NBAS: variants seen among roughly 807,000 people sequenced by gnomAD.
The protein encoded by NBAS is NAG/BC035112 fusion.
NBAS carries 219 observed loss-of-function variants against 302.5 expected under a neutral mutation model. That is an observed-to-expected ratio of 0.72 (90% CI 0.65 to 0.81). The LOEUF (loss-of-function observed/expected upper bound fraction) is 0.81, where lower values mean the gene tolerates loss of function less well. NBAS is among the 30% of genes least tolerant of loss of function. The probability of loss-of-function intolerance (pLI) is 0.00; values close to 1 mark genes in which losing one functional copy is unlikely to be tolerated. For missense variants in NBAS, 2,932 were observed against 2,841.6 expected, an observed-to-expected ratio of 1.03 and a Z score of -0.72; for synonymous variants, 1,118 against 1,021.6, an observed-to-expected ratio of 1.09 and a Z score of -1.80.
the NBAS span, among the ~76,000 whole-genome samples, chr2:14,892,662 A>C: frequency 2.7e-5 from 4 of 150,352 alleles, no homozygotes; most frequent in Admixed American, 2.6e-4. Flanking sequence ...TGATTAAATC[A>C]ATATGCTCTT....
chr2:15,116,496 C>T, the NBAS span, among the ~76,000 whole-genome samples: 3 of 149,852 alleles, frequency 2.0e-5, no homozygotes, highest in East Asian at 4.0e-4. Context: ...GATTAGGGAT[C>T]CCCCTTATGA....
the NBAS span, among the ~76,000 whole-genome samples, chr2:14,880,660 A>C: frequency 6.6e-6 from 1 of 152,042 alleles, no homozygotes; most frequent in African/African-American, 2.4e-5. Flanking sequence ...GAAAAAGACC[A>C]AAAGAAATCT....
chr2:15,238,344 C>T (rs892555087), intron 45 of NBAS, 124 bp downstream of exon 45: 15 of 913,312 alleles, frequency 1.6e-5, no homozygotes, highest in Admixed American at 2.3e-5. Context: ...TAAAGGCTTG[C>T]GGACAATTTT....
intron 22 of NBAS, among the ~76,000 whole-genome samples, chr2:15,424,774 T>A (rs2148478930): frequency 6.6e-6 from 1 of 152,276 alleles, no homozygotes; most frequent in Middle Eastern, 3.4e-3. Context: ...CGAGGGAAGC[T>A]TTTACAAAAT....
chr2:14,954,552 A>G, the NBAS span, among the ~76,000 whole-genome samples: 23 of 152,274 alleles, frequency 1.5e-4, no homozygotes, highest in Non-Finnish European at 2.4e-4. Flanking sequence ...ATGCTGCTAT[A>G]AGGACATACC....
At position 15,533,495 on chromosome 2, in the gene NBAS, G is replaced by A. The variant is rs187864521; in HGVS notation, c.746+1048C>T. 7.2e-5 allele frequency among the ~76,000 whole-genome samples: 11 copies of A among 152,304 alleles called. 1 individual carries two copies. The South Asian group carries it at 1.4e-3, about 20-fold the overall frequency. ...CACCAAAAAGGAAGTCACGAAGTGA[G>A]ACTTGTATGTCTTCTGTGTGATTCC... On this transcript the variant is annotated intron_variant, in intron 9 of 51. Coordinates refer to ENST00000281513, the MANE Select transcript of NBAS (RefSeq NM_015909.4).
the NBAS span, among the ~76,000 whole-genome samples, chr2:14,815,310 G>A: frequency 6.6e-6 from 1 of 152,198 alleles, no homozygotes; most frequent in Non-Finnish European, 1.5e-5. Context: ...TGGCCCAAAT[G>A]TGATTCAAAC....
At chr2:15,488,356 T>G (rs1680719872) in intron 12 of NBAS, among the ~76,000 whole-genome samples, 1 of 152,182 alleles carries the variant, frequency 6.6e-6, no homozygotes, top group African/African-American at 2.4e-5. Context: ...TGTCACTAAC[T>G]AGTGCTACTC....
chr2:15,293,327 A>T (rs1161902380), intron 40 of NBAS, among the ~76,000 whole-genome samples: 4 of 152,146 alleles, frequency 2.6e-5, no homozygotes, highest in Non-Finnish European at 5.9e-5. Flanking sequence ...CAAGTTGCAT[A>T]AAAAAAGGCA....
intron 44 of NBAS, among the ~76,000 whole-genome samples, chr2:15,266,406 C>T (rs1415434627): frequency 6.6e-6 from 1 of 152,088 alleles, no homozygotes; most frequent in African/African-American, 2.4e-5. Flanking sequence ...TCTTGTCTGT[C>T]TGCTTTCCCA....
At chr2:14,983,033 A>C in the NBAS span, among the ~76,000 whole-genome samples, 874 of 152,326 alleles carry the variant, frequency 5.7e-3, 6 homozygotes, top group Middle Eastern at 0.01. Flanking sequence ...AGGGACATAG[A>C]ATCTTTAGGC....
At chr2:15,488,820 T>C in intron 12 of NBAS, 74 bp downstream of exon 12, 8 of 1,575,194 alleles carry the variant, frequency 5.1e-6, no homozygotes, top group Non-Finnish European at 4.4e-6. Context: ...TATAGTAAAA[T>C]ATCAATAAAA....
intron 40 of NBAS, among the ~76,000 whole-genome samples, chr2:15,297,075 C>T (rs1484771124): frequency 4.6e-5 from 7 of 152,194 alleles, no homozygotes; most frequent in Non-Finnish European, 7.3e-5. Flanking sequence ...GGATGGAACA[C>T]GCCTACTGCT....
chr2:15,107,029 C>T, the NBAS span, among the ~76,000 whole-genome samples: 1 of 152,080 alleles, frequency 6.6e-6, no homozygotes, highest in African/African-American at 2.4e-5. Context: ...CAAACTACCA[C>T]TTGCAAGCAG....
At chr2:15,261,446 A>G (rs1217748262) in intron 44 of NBAS, among the ~76,000 whole-genome samples, 1 of 152,240 alleles carries the variant, frequency 6.6e-6, no homozygotes, top group Non-Finnish European at 1.5e-5. Flanking sequence ...GTCTTGTCAC[A>G]TTCATTTATA....
At chr2:15,154,813 T>C in the NBAS span, among the ~76,000 whole-genome samples, 3 of 152,054 alleles carry the variant, frequency 2.0e-5, no homozygotes, top group East Asian at 5.8e-4. Flanking sequence ...GACGTGAGGC[T>C]ATAGGTGAGT....
chr2:15,397,748 T>C, intron 26 of NBAS: 1 of 268,362 alleles, frequency 3.7e-6, no homozygotes, highest in Middle Eastern at 7.3e-4. Context: ...GTGGCCCTTT[T>C]TGGCATGACC....
the NBAS span, among the ~76,000 whole-genome samples, chr2:14,864,191 C>T: frequency 6.6e-6 from 1 of 151,904 alleles, no homozygotes; most frequent in Non-Finnish European, 1.5e-5. Context: ...GTAGCACACA[C>T]CTATAATCCC....
chr2:14,903,821 C>A, the NBAS span, among the ~76,000 whole-genome samples: 2 of 151,882 alleles, frequency 1.3e-5, no homozygotes, highest in Non-Finnish European at 2.9e-5. Flanking sequence ...AGGGGAGAAG[C>A]ATGCCTGTCC....
Sources: gnomAD v4.1 joint callset for allele counts (sites outside exome capture counted in the v4.1 genomes callset) on GRCh38, gnomAD v4.1.1 for gene constraint, MANE v1.5 for transcripts, NCBI Gene and HGNC (gene_info 2026-07-23, HGNC 2026-07-21) for gene names.